Variants in MARCHF1 observed in about 807,000 individuals in gnomAD.
MARCHF1 encodes the protein membrane associated ring-CH-type finger 1.
In MARCHF1, 40 loss-of-function variants were observed where a neutral mutation model predicts 54.2. That is an observed-to-expected ratio of 0.74 (90% confidence interval 0.57 to 0.96). The LOEUF (loss-of-function observed/expected upper bound fraction) is 0.96, where lower values mean the gene tolerates loss of function less well. Ranked by LOEUF, MARCHF1 falls within the 40% of genes least tolerant of loss-of-function variation. The pLI is 0.00. For missense variants in MARCHF1, 586 were observed against 656.5 expected (o/e 0.89, Z 1.17); for synonymous variants, 236 against 236.3 (o/e 1.00, Z 0.01).
chr4:163,650,739 T>G (rs1417554676), intron 5 of MARCHF1, among the ~76,000 whole-genome samples: 1 of 151,990 alleles, frequency 6.6e-6, no homozygotes, highest in Non-Finnish European at 1.5e-5. Context: ...CATTTATCAC[T>G]GTCTAAGCTT....
At chr4:163,553,505 A>G (rs370636949) in intron 8 of MARCHF1, among the ~76,000 whole-genome samples, 2 of 152,228 alleles carry the variant, frequency 1.3e-5, no homozygotes, top group East Asian at 1.9e-4. Flanking sequence ...TTTATTAACT[A>G]TGTGAACAAA....
intron 3 of MARCHF1, among the ~76,000 whole-genome samples, chr4:163,877,545 T>C (rs1289077388): frequency 6.6e-6 from 1 of 150,952 alleles, no homozygotes; most frequent in Non-Finnish European, 1.5e-5. Flanking sequence ...AAATCACAGA[T>C]ACTCTCAAAT....
At chr4:163,923,247 T>C (rs12513224) in intron 3 of MARCHF1, among the ~76,000 whole-genome samples, 146,158 of 152,186 alleles carry the variant, frequency 0.96, 70,473 homozygotes, top group East Asian at 1. Flanking sequence ...AATCAAAATA[T>C]TTATGCATTA....
At chr4:163,608,267 G>A (rs960920295) in intron 7 of MARCHF1, among the ~76,000 whole-genome samples, 5 of 152,038 alleles carry the variant, frequency 3.3e-5, no homozygotes, top group African/African-American at 1.2e-4. Flanking sequence ...TTTAAACTGA[G>A]AAAGAATAGG....
chr4:164,298,455 G>C (rs896502053), intron 1 of MARCHF1, among the ~76,000 whole-genome samples: 5 of 151,822 alleles, frequency 3.3e-5, no homozygotes, highest in Admixed American at 2.0e-4. Context: ...CCCATTTAAA[G>C]TAACCCATTA....
chr4:164,329,965 A>G (rs1339723875), intron 1 of MARCHF1: 1 of 152,254 alleles, frequency 6.6e-6, no homozygotes, highest in Non-Finnish European at 1.5e-5. Context: ...TGAAGCCCTC[A>G]CAGGGATGTC....
intron 5 of MARCHF1, among the ~76,000 whole-genome samples, chr4:163,632,516 C>A (rs1245101841): frequency 6.6e-6 from 1 of 152,190 alleles, no homozygotes; most frequent in Non-Finnish European, 1.5e-5. Context: ...GTCACTCCCA[C>A]CCGAATACTG....
At chr4:164,239,806 A>G (rs1732674821) in intron 1 of MARCHF1, among the ~76,000 whole-genome samples, 1 of 152,066 alleles carries the variant, frequency 6.6e-6, no homozygotes, top group African/African-American at 2.4e-5. Context: ...TCTTCTTTTC[A>G]TTTCTTTGAC....
intron 8 of MARCHF1, among the ~76,000 whole-genome samples, chr4:163,552,170 G>T (rs1200240654): frequency 6.6e-6 from 1 of 152,166 alleles, no homozygotes; most frequent in Non-Finnish European, 1.5e-5. Context: ...ACTATTTTCT[G>T]ATTAAGTGCA....
chr4:164,381,915 A>T (rs1377950160), intron 1 of MARCHF1, among the ~76,000 whole-genome samples: 1 of 152,078 alleles, frequency 6.6e-6, no homozygotes, highest in Non-Finnish European at 1.5e-5. Flanking sequence ...ACAATGAAAT[A>T]AAAAAAACTG....
chr4:163,630,446 C>T (rs1742033532), intron 5 of MARCHF1, among the ~76,000 whole-genome samples: 1 of 152,128 alleles, frequency 6.6e-6, no homozygotes, highest in Non-Finnish European at 1.5e-5. Context: ...ATAGATTTCA[C>T]AGGGTTCCAG....
At chr4:164,093,136 A>G (rs1309695042) in intron 2 of MARCHF1, among the ~76,000 whole-genome samples, 1 of 152,152 alleles carries the variant, frequency 6.6e-6, no homozygotes, top group Admixed American at 6.6e-5. Flanking sequence ...ATCTGCTTAT[A>G]TTAACTTACT....
chr4:164,370,034 G>C (rs1191398375), intron 1 of MARCHF1, among the ~76,000 whole-genome samples: 1 of 152,182 alleles, frequency 6.6e-6, no homozygotes, highest in African/African-American at 2.4e-5. Context: ...CTTCACAGAA[G>C]ACGTTAATTA....
At chr4:163,609,585 AT>A (rs967831766) in intron 7 of MARCHF1, among the ~76,000 whole-genome samples, 50 of 151,020 alleles carry the variant, frequency 3.3e-4, no homozygotes, top group African/African-American at 1.2e-3. Flanking sequence ...CATTAAGCCT[AT>A]TTTATTTAGA....
At chr4:163,967,770 C>T (rs530643239) in intron 3 of MARCHF1, among the ~76,000 whole-genome samples, 57 of 152,176 alleles carry the variant, frequency 3.7e-4, no homozygotes, top group African/African-American at 1.3e-3. Flanking sequence ...GGCTAAGAAG[C>T]CTAAAATATG....
chr4:163,528,825 C>G lies in MARCHF1; in HGVS notation c.1561G>C (p.Val521Leu). Residue 521 changes from valine to leucine, a missense_variant, in exon 10 of 10, where the codon GTA (valine) becomes CTA (leucine). Transcript: ENST00000514618. ...NVNTDIKDAV[V>L]VPVPQTGANS... is the part of the protein sequence containing the mutation. The stretch of plus-strand genomic sequence containing the variant: ...GCACCTGTTTGTGGTACAGGCACTA[C>G]CACAGCATCTTTGATGTCTGTGTTT... 4 of 1,613,218 alleles carry G rather than the reference C, an allele frequency of 2.5e-6. No individual in the cohort carries two copies. The highest frequency in any genetic ancestry group is 3.4e-6 in the Non-Finnish European group (4 of 1,179,450).
At chr4:163,733,177 GTATA>G (rs1169850987) in intron 4 of MARCHF1, among the ~76,000 whole-genome samples, 181 of 17,428 alleles carry the variant, frequency 0.01, 5 homozygotes, top group African/African-American at 0.024. Flanking sequence ...CTGTATGTGT[GTATA>G]TATATATATA....
chr4:164,065,302 A>T (rs1333875426), intron 2 of MARCHF1, among the ~76,000 whole-genome samples: 1 of 152,224 alleles, frequency 6.6e-6, no homozygotes. Flanking sequence ...AAGATGAATT[A>T]AAGACTTAAA....
chr4:164,020,337 C>T (rs1233166949), intron 2 of MARCHF1, among the ~76,000 whole-genome samples: 3 of 152,018 alleles, frequency 2.0e-5, no homozygotes, highest in African/African-American at 4.8e-5. Context: ...TCCCTAAGCT[C>T]AATATAGGAA....
Sources: allele counts gnomAD v4.1 joint callset (sites outside exome capture counted in the v4.1 genomes callset), GRCh38; gene constraint gnomAD v4.1.1; transcripts MANE v1.5; gene names NCBI Gene and HGNC (gene_info 2026-07-23, HGNC 2026-07-21).